Variants in CHST8 observed in about 807,000 individuals in gnomAD.
CHST8 encodes carbohydrate sulfotransferase 8.
A neutral mutation model predicts 15.0 loss-of-function variants in CHST8; 10 were observed. The observed-to-expected ratio is 0.67, with a 90% CI of 0.41 to 1.13. CHST8 has a LOEUF of 1.13. CHST8 is among the 50% of genes most tolerant of loss of function. CHST8 has a pLI of 0.00. For synonymous variants in CHST8, 259 were observed against 256.6 expected (o/e 1.01, Z -0.09); for missense variants, 634 against 608.2 (o/e 1.04, Z -0.45).
At chr19:33,701,497 A>T (rs963390) in intron 3 of CHST8, among the ~76,000 whole-genome samples, 2 of 152,102 alleles carry the variant, frequency 1.3e-5, no homozygotes, top group African/African-American at 4.8e-5. Context: ...TTATGCTAAA[A>T]GTTCCTAGGG....
chr19:33,726,924 C>T (rs773904281), intron 3 of CHST8, among the ~76,000 whole-genome samples: 19 of 151,752 alleles, frequency 1.3e-4, no homozygotes, highest in Non-Finnish European at 2.4e-4. Flanking sequence ...CCTCTGCTGG[C>T]AGTGCTCCCC....
At chr19:33,653,643 A>T (rs1972475958) in intron 1 of CHST8, among the ~76,000 whole-genome samples, 1 of 152,176 alleles carries the variant, frequency 6.6e-6, no homozygotes, top group African/African-American at 2.4e-5. Context: ...GACTCTGGAG[A>T]TAGTTTCTTG....
At chr19:33,665,608 G>GA (rs1972646852) in intron 1 of CHST8, among the ~76,000 whole-genome samples, 1 of 151,696 alleles carries the variant, frequency 6.6e-6, no homozygotes, top group Admixed American at 6.6e-5. Flanking sequence ...CTAGCATGTC[G>GA]AAAGGATTGT....
intron 3 of CHST8, among the ~76,000 whole-genome samples, chr19:33,720,726 C>A (rs576058816): frequency 1.3e-5 from 2 of 152,260 alleles, no homozygotes; most frequent in Non-Finnish European, 2.9e-5. Flanking sequence ...GGGAGCTGGG[C>A]AGGCAGTGGT....
intron 3 of CHST8, among the ~76,000 whole-genome samples, chr19:33,721,185 G>A (rs1412648731): frequency 6.6e-6 from 1 of 152,228 alleles, no homozygotes; most frequent in Non-Finnish European, 1.5e-5. Flanking sequence ...GCCATGGCTG[G>A]AAACCCTATT....
chr19:33,697,860 C>G (rs1464975284), intron 3 of CHST8, among the ~76,000 whole-genome samples: 1 of 152,224 alleles, frequency 6.6e-6, no homozygotes, highest in Non-Finnish European at 1.5e-5. Flanking sequence ...TGGATCTAGA[C>G]TCCTGGCTGA....
intron 3 of CHST8, among the ~76,000 whole-genome samples, chr19:33,749,944 C>G (rs1450926657): frequency 3.9e-5 from 6 of 152,238 alleles, no homozygotes; most frequent in African/African-American, 1.4e-4. Context: ...TTGCTTCCTG[C>G]CTTTCTCCTG....
In CHST8 at chr19:33,741,709, ATT is replaced by A. The variant is rs372516086; in HGVS notation, c.131-29692_131-29691del. ...TCTTTTATCAAGCAGAGTCCTGTGG[ATT>A]TTTTTTTTTTTAAATTGTGCTAATC... On this transcript the variant is annotated intron_variant, in intron 3 of 4. Coordinates refer to ENST00000650847, the MANE Select transcript of CHST8 (RefSeq NM_001127895.2). Among the ~76,000 whole-genome samples the A allele has an allele frequency of 8.9e-4, 129 of 145,266 alleles. 1 individual carries two copies. The highest frequency in any genetic ancestry group is 1.2e-3 in the African/African-American group (48 of 39,830).
At chr19:33,642,193 A>C (rs1389045139) in intron 1 of CHST8, among the ~76,000 whole-genome samples, 1 of 151,470 alleles carries the variant, frequency 6.6e-6, no homozygotes, top group Non-Finnish European at 1.5e-5. Flanking sequence ...CAAAGCCCTC[A>C]CCTCTGGGAC....
intron 1 of CHST8, among the ~76,000 whole-genome samples, chr19:33,657,527 C>A (rs1033222515): frequency 6.6e-6 from 1 of 152,014 alleles, no homozygotes; most frequent in Non-Finnish European, 1.5e-5. Context: ...CCACCTCAGC[C>A]TCCCAAAATG....
chr19:33,756,678 G>A (rs1390741274), intron 3 of CHST8, among the ~76,000 whole-genome samples: 2 of 151,902 alleles, frequency 1.3e-5, no homozygotes, highest in Admixed American at 6.6e-5. Context: ...TCCTACCCCC[G>A]CCCAACCTGC....
intron 3 of CHST8, among the ~76,000 whole-genome samples, chr19:33,741,708 G>T (rs1490799286): frequency 6.6e-6 from 1 of 150,410 alleles, no homozygotes; most frequent in Non-Finnish European, 1.5e-5. Context: ...GAGTCCTGTG[G>T]ATTTTTTTTT....
chr19:33,699,217 G>A (rs796730893), intron 3 of CHST8, among the ~76,000 whole-genome samples: 11 of 152,280 alleles, frequency 7.2e-5, no homozygotes, highest in African/African-American at 2.4e-4. Flanking sequence ...TAGCTGTACC[G>A]AGGCAGGGGA....
At chr19:33,744,895 C>T (rs1974282719) in intron 3 of CHST8, among the ~76,000 whole-genome samples, 3 of 152,062 alleles carry the variant, frequency 2.0e-5, no homozygotes. Context: ...ATTACAGGTG[C>T]CTGCCACCAC....
intron 1 of CHST8, among the ~76,000 whole-genome samples, chr19:33,630,180 C>T (rs897544445): frequency 1.4e-4 from 22 of 152,366 alleles, no homozygotes; most frequent in Non-Finnish European, 2.8e-4. Context: ...ACCCAGCAAA[C>T]ACTGACCCTG....
chr19:33,696,374 C>T (rs922309128), intron 3 of CHST8, among the ~76,000 whole-genome samples: 1 of 151,900 alleles, frequency 6.6e-6, no homozygotes, highest in African/African-American at 2.4e-5. Context: ...GTGAGTGGTG[C>T]GCGAGCTATC....
intron 1 of CHST8, among the ~76,000 whole-genome samples, chr19:33,635,241 G>A (rs914330026): frequency 2.0e-5 from 3 of 152,270 alleles, no homozygotes; most frequent in South Asian, 2.1e-4. Flanking sequence ...GCCCCTCAGC[G>A]TTTTCATGAA....
intron 1 of CHST8, among the ~76,000 whole-genome samples, chr19:33,625,367 T>C (rs952764161): frequency 1.3e-4 from 19 of 151,074 alleles, no homozygotes; most frequent in Middle Eastern, 3.4e-3. Flanking sequence ...AGGCGTGAGC[T>C]ACCGCGCCCC....
chr19:33,658,879 C>G (rs1025193208), intron 1 of CHST8, among the ~76,000 whole-genome samples: 1 of 151,948 alleles, frequency 6.6e-6, no homozygotes, highest in South Asian at 2.1e-4. Flanking sequence ...TTAACAATTG[C>G]GTCAGATTCC....
Sources: gnomAD v4.1 joint callset for allele counts (sites outside exome capture counted in the v4.1 genomes callset) on GRCh38, gnomAD v4.1.1 for gene constraint, MANE v1.5 for transcripts, NCBI Gene and HGNC (gene_info 2026-07-23, HGNC 2026-07-21) for gene names.